LY75: variants seen among roughly 807,000 people sequenced by gnomAD.
The protein encoded by LY75 is C-type lectin domain family 13 member B.
In LY75, 185 loss-of-function variants were observed where a neutral mutation model predicts 231.7. The observed-to-expected ratio is 0.80, with a 90% confidence interval of 0.71 to 0.90. LY75 has a LOEUF of 0.90. Ranked by LOEUF, LY75 falls within the 40% of genes least tolerant of loss-of-function variation. The probability of loss-of-function intolerance (pLI) is 0.00; values close to 1 mark genes in which losing one functional copy is unlikely to be tolerated. For missense variants in LY75, 1,947 were observed against 2,050.2 expected (o/e 0.95, Z 0.97); for synonymous variants, 668 against 689.0 (o/e 0.97, Z 0.48).
intron 29 of LY75, among the ~76,000 whole-genome samples, chr2:159,818,690 T>C (rs1683195401): frequency 1.3e-5 from 2 of 152,310 alleles, no homozygotes; most frequent in South Asian, 2.1e-4. Context: ...TAAAGTAATA[T>C]GCCAACAGTA....
intron 31 of LY75, among the ~76,000 whole-genome samples, chr2:159,811,248 A>T (rs1414025663): frequency 1.3e-5 from 2 of 152,150 alleles, no homozygotes; most frequent in African/African-American, 4.8e-5. Context: ...ACTATTTTTT[A>T]AAAATAGCTA....
chr2:159,827,361 CTCA>C (rs1289343740), intron 28 of LY75, among the ~76,000 whole-genome samples: 2 of 152,150 alleles, frequency 1.3e-5, no homozygotes, highest in Non-Finnish European at 2.9e-5. Context: ...TGAAAAAATG[CTCA>C]TCATCACTCG....
At chr2:159,859,945 G>A (rs1684655665) in intron 15 of LY75, among the ~76,000 whole-genome samples, 1 of 152,132 alleles carries the variant, frequency 6.6e-6, no homozygotes, top group African/African-American at 2.4e-5. Flanking sequence ...TAATATTCTT[G>A]TTCTTGCATA....
Position 159,810,537 on chromosome 2 carries a change from C to T in LY75, c.4688G>A (p.Cys1563Tyr), listed in dbSNP as rs1382725696. ...AAATTTTAACTCACCATGTTTTGAA[C>T]ACAATTTTTTGGCCTCTGAAAAACT... is the stretch of plus-strand genomic sequence containing the variant. ...LHSFSEAKKL[C>Y]SKHDHSATIV... The change falls in exon 32 of 35, where the codon TGT becomes TAT. Residue 1563 changes from cysteine to tyrosine, a missense_variant. By Grantham distance (194) the Cys-to-Tyr change is radical (BLOSUM62 -2). Coordinates refer to ENST00000263636, the MANE Select transcript of LY75 (RefSeq NM_002349.4). 2.5e-6 allele frequency: 4 copies of T among 1,611,666 alleles called. No homozygotes were observed. The highest frequency in any genetic ancestry group is 3.4e-6 in the Non-Finnish European group (4 of 1,179,374).
At chr2:159,864,069 CCTAA>C (rs903480179) in intron 14 of LY75, among the ~76,000 whole-genome samples, 11 of 152,138 alleles carry the variant, frequency 7.2e-5, no homozygotes. Flanking sequence ...AAAAACACTG[CCTAA>C]CTAACAATGC....
chr2:159,825,764 T>C (rs554437772), intron 28 of LY75, among the ~76,000 whole-genome samples: 1 of 152,180 alleles, frequency 6.6e-6, no homozygotes, highest in African/African-American at 2.4e-5. Flanking sequence ...TCCACCAGGA[T>C]CAAGTCGGCT....
At chr2:159,890,085 A>T in intron 4 of LY75, 128 bp downstream of exon 4, 2 of 1,224,030 alleles carry the variant, frequency 1.6e-6, no homozygotes, top group Non-Finnish European at 2.2e-6. Context: ...GTTTCAGTGT[A>T]GAAGTTTAAA....
At chr2:159,808,655 T>C in intron 32 of LY75, 84 bp from the exon 33 acceptor site, 2 of 1,530,194 alleles carry the variant, frequency 1.3e-6, no homozygotes, top group Non-Finnish European at 1.8e-6. Flanking sequence ...GAAAAATACA[T>C]ATATTATTAA....
chr2:159,836,143 T>C (rs982546835), intron 25 of LY75, among the ~76,000 whole-genome samples: 2 of 152,208 alleles, frequency 1.3e-5, no homozygotes, highest in African/African-American at 4.8e-5. Context: ...TTTTGAATCC[T>C]GATTCAGTCA....
At chr2:159,837,186 G>A (rs1305569470) in intron 25 of LY75, among the ~76,000 whole-genome samples, 2 of 152,094 alleles carry the variant, frequency 1.3e-5, no homozygotes, top group Admixed American at 6.6e-5. Flanking sequence ...ATACACCTGC[G>A]CTCATATGTT....
rs28691274 is a variant in LY75, at chr2:159,873,787, T to A, written c.1975-1194A>T. ...TAAATATATACATTTTGTAAAAATATACATAAATATATACATATAGTAAAA... is the reference window on the plus strand; with the variant it reads ...TAAATATATACATTTTGTAAAAATAAACATAAATATATACATATAGTAAAA... On this transcript the variant is annotated intron_variant, in intron 12 of 34. Transcript: ENST00000263636. 1.8e-3 allele frequency among the ~76,000 whole-genome samples: 159 copies of A among 87,682 alleles called. 7 individuals are homozygous for A. Among genetic ancestry groups the A allele is most frequent in the Non-Finnish European group, 3.0e-3 (110 of 36,684 alleles). 57.5% of individuals were successfully genotyped at this position (87,682 alleles called of 152,430 possible). A position where few individuals can be genotyped will look rare whatever the true frequency, so the allele number is the denominator to read the frequency against.
intron 28 of LY75, among the ~76,000 whole-genome samples, chr2:159,822,772 G>C (rs1458642314): frequency 6.6e-6 from 1 of 152,216 alleles, no homozygotes; most frequent in African/African-American, 2.4e-5. Flanking sequence ...CCAGAGGAAA[G>C]AACAGGCAGC....
intron 29 of LY75, 101 bp downstream of exon 29, chr2:159,819,625 T>C: frequency 7.1e-7 from 1 of 1,405,350 alleles, no homozygotes. Context: ...CAGGACTGAA[T>C]ACAGAGGAAG....
At position 159,893,994 on chromosome 2, in the gene LY75, T is replaced by C; in HGVS notation, c.557A>G (p.Asp186Gly). ...ACACCATGGCCCACTATGATCTTCA[T>C]CAAGAATGCAATCATGATGCCAGGT... ...DGTWHHDCIL[D>G]EDHSGPWCAT... Residue 186 changes from aspartate (D) to glycine (G), a missense_variant, in exon 3 of 35, where the codon GAT becomes GGT. Physicochemically the swap from Asp to Gly is moderately conservative, Grantham distance 94 (BLOSUM62 -1). Coordinates refer to ENST00000263636, the MANE Select transcript of LY75 (RefSeq NM_002349.4). The C allele has an allele frequency of 6.2e-7, 1 of 1,613,950 alleles. No individual in the cohort carries two copies. The highest frequency in any genetic ancestry group is 8.5e-7 in the Non-Finnish European group (1 of 1,179,884).
At chr2:159,826,020 G>A (rs530441841) in intron 28 of LY75, among the ~76,000 whole-genome samples, 32 of 152,278 alleles carry the variant, frequency 2.1e-4, no homozygotes, top group Non-Finnish European at 3.7e-4. Flanking sequence ...GCAAAAACTG[G>A]AAGCATTCCC....
At chr2:159,869,395 G>A (rs1220675401) in intron 13 of LY75, among the ~76,000 whole-genome samples, 1 of 152,124 alleles carries the variant, frequency 6.6e-6, no homozygotes, top group Non-Finnish European at 1.5e-5. Flanking sequence ...CTTTGGTCAT[G>A]AGCAGAATGA....
intron 14 of LY75, among the ~76,000 whole-genome samples, chr2:159,862,502 T>C (rs1341678428): frequency 6.6e-6 from 1 of 152,042 alleles, no homozygotes; most frequent in African/African-American, 2.4e-5. Flanking sequence ...GACTACTATA[T>C]TTATAGCTTT....
intron 3 of LY75, among the ~76,000 whole-genome samples, chr2:159,893,464 A>G (rs1685818537): frequency 6.6e-6 from 1 of 152,212 alleles, no homozygotes; most frequent in Admixed American, 6.5e-5. Context: ...AAGCCAAATA[A>G]GATTGTAACT....
rs768026822 is a variant in LY75, at chr2:159,817,048, G to C, written c.4154-16C>G. Reference sequence around the variant, plus strand: ...TTGTAGTCAACTATAATAATTAAAAGCACTGGTGATTAAAATTTAAATTAT... The same window carrying C: ...TTGTAGTCAACTATAATAATTAAAACCACTGGTGATTAAAATTTAAATTAT... On this transcript the variant is annotated splice_polypyrimidine_tract_variant and intron_variant, in intron 29 of 34. Coordinates refer to ENST00000263636, the MANE Select transcript of LY75 (RefSeq NM_002349.4). 1.9e-6 allele frequency: 3 copies of C among 1,561,176 alleles called. No individual in the cohort carries two copies. In the African/African-American group the frequency reaches 4.1e-5, roughly 21 times the overall value.
Sources: gnomAD v4.1 joint callset for allele counts (sites outside exome capture counted in the v4.1 genomes callset) on GRCh38, gnomAD v4.1.1 for gene constraint, MANE v1.5 for transcripts, NCBI Gene and HGNC (gene_info 2026-07-23, HGNC 2026-07-21) for gene names.